ERMP1: variants seen among roughly 807,000 people sequenced by gnomAD.
ERMP1 encodes the protein Felix-ina.
Under a neutral mutation model 92.0 loss-of-function variants are expected in ERMP1, and 86 were observed. That is an observed-to-expected ratio of 0.93 (90% CI 0.79 to 1.12). The LOEUF is 1.12. ERMP1 is among the 50% of genes most tolerant of loss of function. The pLI is 0.00. For synonymous variants in ERMP1, 530 were observed against 412.8 expected (o/e 1.28, Z -3.44); for missense variants, 1,342 against 1,116.3 (o/e 1.20, Z -2.88).
At chr9:5,827,460 G>A (rs1489788983) in intron 2 of ERMP1, among the ~76,000 whole-genome samples, 1 of 152,254 alleles carries the variant, frequency 6.6e-6, no homozygotes, top group Non-Finnish European at 1.5e-5. Flanking sequence ...GGTTGGACAA[G>A]CTTAATCTAT....
intron 10 of ERMP1, among the ~76,000 whole-genome samples, chr9:5,803,264 CTCATG>C (rs1828742293): frequency 6.6e-6 from 1 of 152,178 alleles, no homozygotes; most frequent in South Asian, 2.1e-4. Flanking sequence ...AGAGTGATAA[CTCATG>C]GCATCAAAGT....
At chr9:5,831,072 G>C (rs1370403002) in intron 1 of ERMP1, 44 bp from the exon 2 acceptor site, 1 of 1,523,796 alleles carries the variant, frequency 6.6e-7, no homozygotes, top group Admixed American at 1.8e-5. Flanking sequence ...AGTTAAAATT[G>C]ACACTTAGCG....
At chr9:5,847,508 G>A (rs1830251739) in intron 6 of ERMP1, among the ~76,000 whole-genome samples, 1 of 152,046 alleles carries the variant, frequency 6.6e-6, no homozygotes, top group Admixed American at 6.5e-5. Context: ...AAAGTGCTGG[G>A]ATTACAGGTG....
chr9:5,862,220 T>C (rs933079164), intron 5 of ERMP1, among the ~76,000 whole-genome samples: 2 of 150,744 alleles, frequency 1.3e-5, no homozygotes, highest in African/African-American at 4.9e-5. Context: ...TTTGTAGAGA[T>C]GGGATCCCCC....
intron 6 of ERMP1, among the ~76,000 whole-genome samples, chr9:5,857,322 G>T (rs901733560): frequency 6.6e-6 from 1 of 152,076 alleles, no homozygotes; most frequent in Admixed American, 6.6e-5. Context: ...GTGCATGGCC[G>T]AAATTTTTTT....
chr9:5,833,146 A>C (rs932285264), upstream of ERMP1: 1 of 939,324 alleles, frequency 1.1e-6, no homozygotes, highest in Admixed American at 4.1e-5. Flanking sequence ...GCAGAGGGCC[A>C]AACTTCTTCT....
rs1338279319 is a variant in ERMP1, at chr9:5,786,314, G to A, written c.*830C>T. ...AGCCCAGATGGCAGCTCAGTGCTCT[G>A]AGGAAGGAAGTTAAGGTCATGTACT... is the stretch of plus-strand genomic sequence containing the variant. On this transcript the variant is annotated 3_prime_UTR_variant, in exon 15 of 15. Coordinates refer to ENST00000339450, the MANE Select transcript of ERMP1 (RefSeq NM_024896.3). 6.6e-6 allele frequency: 1 copy of A among 152,198 alleles called. No individual in the cohort carries two copies. Among genetic ancestry groups the A allele is most frequent in the Non-Finnish European group, 1.5e-5 (1 of 68,046 alleles). 9.4% of individuals were successfully genotyped at this position (152,198 alleles called of 1,614,324 possible).
At chr9:5,825,933 G>GT (rs1220597175) in intron 2 of ERMP1, among the ~76,000 whole-genome samples, 1 of 152,108 alleles carries the variant, frequency 6.6e-6, no homozygotes, top group African/African-American at 2.4e-5. Flanking sequence ...TTAAAGCATT[G>GT]TAAGAGACAA....
At chr9:5,831,483 C>T (rs1216998900) in intron 1 of ERMP1, among the ~76,000 whole-genome samples, 1 of 152,130 alleles carries the variant, frequency 6.6e-6, no homozygotes, top group East Asian at 1.9e-4. Flanking sequence ...TACTATCCGC[C>T]TGTAGTCCCA....
rs142788548 is a variant in ERMP1 at position 5,819,943 on chromosome 9, T to C, written c.874+3953A>G. 1.8e-4 allele frequency among the ~76,000 whole-genome samples: 28 copies of C among 152,272 alleles called. 1 individual carries two copies. In the East Asian group the frequency reaches 3.3e-3, roughly 18 times the overall value. On this transcript the variant is annotated intron_variant, in intron 4 of 14. Coordinates refer to ENST00000339450, the MANE Select transcript of ERMP1 (RefSeq NM_024896.3). ...ATTCTAAAATTGATTATGATGATGA[T>C]TGCACAACTAAGAATTATATATCTC... is the stretch of plus-strand genomic sequence containing the variant.
chr9:5,810,783 C>G (rs1366581918), intron 7 of ERMP1, among the ~76,000 whole-genome samples: 1 of 152,102 alleles, frequency 6.6e-6, no homozygotes, highest in East Asian at 1.9e-4. Context: ...ATTCATACTT[C>G]GTGACACTGG....
At chr9:5,865,837 C>CAA (rs67420468) in intron 5 of ERMP1, among the ~76,000 whole-genome samples, 3 of 109,570 alleles carry the variant, frequency 2.7e-5, no homozygotes, top group East Asian at 2.9e-4. Context: ...GGCTCTGTCT[C>CAA]AAAAAAAAAA....
chr9:5,828,766 C>T (rs1272415535), intron 2 of ERMP1, among the ~76,000 whole-genome samples: 1 of 152,148 alleles, frequency 6.6e-6, no homozygotes, highest in Non-Finnish European at 1.5e-5. Context: ...CAGCTAAGAA[C>T]TATGAAGGGT....
chr9:5,832,994 G>T lies in ERMP1; in HGVS notation c.34C>A (p.Arg12=). The change falls in exon 1 of 15, where the codon CGG becomes AGG. Residue 12 remains arginine (R), a synonymous_variant. Coordinates refer to ENST00000339450, the MANE Select transcript of ERMP1 (RefSeq NM_024896.3). ...CGACGCTCTACTCCGACGCGGTGCCGCCTCACAGCAGCCGACTCAGAACCC... is the reference window on the plus strand; with the variant it reads ...CGACGCTCTACTCCGACGCGGTGCCTCCTCACAGCAGCCGACTCAGAACCC... ...EWGSESAAVR[R]HRVGVERREG... is the part of the protein sequence containing the mutation. 1 of 1,557,772 alleles carries T rather than the reference G, an allele frequency of 6.4e-7. No homozygotes were observed. The highest frequency in any genetic ancestry group is 1.4e-5 in the African/African-American group (1 of 70,832).
intron 6 of ERMP1, among the ~76,000 whole-genome samples, chr9:5,857,575 T>A (rs1204142507): frequency 6.6e-6 from 1 of 152,180 alleles, no homozygotes; most frequent in Non-Finnish European, 1.5e-5. Context: ...TCCCTACTTA[T>A]AATCTATTGG....
chr9:5,849,639 C>T (rs1213648928), intron 6 of ERMP1, among the ~76,000 whole-genome samples: 1 of 152,214 alleles, frequency 6.6e-6, no homozygotes, highest in Admixed American at 6.5e-5. Flanking sequence ...GTGATATCCT[C>T]ACTTCAATAA....
chr9:5,811,439 T>G, intron 6 of ERMP1, 116 bp from the exon 7 acceptor site: 1 of 731,200 alleles, frequency 1.4e-6, no homozygotes, highest in Non-Finnish European at 2.2e-6. Context: ...ATATACTGTT[T>G]GAATGAAGAA....
chr9:5,853,503 A>C (rs910812854), intron 6 of ERMP1, among the ~76,000 whole-genome samples: 1 of 152,138 alleles, frequency 6.6e-6, no homozygotes, highest in African/African-American at 2.4e-5. Context: ...CTGTTGGTTA[A>C]GAAACAGCCA....
In ERMP1 at chr9:5,840,474, T is replaced by C. The variant is rs1429044493; in HGVS notation, n.3200-7162A>G. Among the ~76,000 whole-genome samples the C allele has an allele frequency of 2.0e-5, 3 of 152,230 alleles. No homozygotes were observed. The South Asian group carries it at 6.2e-4, about 32-fold the overall frequency. Reference sequence around the variant, plus strand: ...CCAGATCACCCCTCCTGCAGCTTTATGAATGTCAGGTCTGCACTGCCATCT... The same window carrying C: ...CCAGATCACCCCTCCTGCAGCTTTACGAATGTCAGGTCTGCACTGCCATCT... On this transcript the variant is annotated intron_variant and non_coding_transcript_variant, in intron 6 of 6. Transcript: ENST00000690753.
Sources: gnomAD v4.1 joint callset for allele counts (sites outside exome capture counted in the v4.1 genomes callset) on GRCh38, gnomAD v4.1.1 for gene constraint, MANE v1.5 for transcripts, NCBI Gene and HGNC (gene_info 2026-07-23, HGNC 2026-07-21) for gene names.